PLD3: variants seen among roughly 807,000 people sequenced by gnomAD.
PLD3 encodes the protein phospholipase D family member 3, also known as 5'-3' exonuclease PLD3.
Under a neutral mutation model 58.4 loss-of-function variants are expected in PLD3, and 31 were observed. That is an observed-to-expected ratio of 0.53 (90% CI 0.40 to 0.72). The LOEUF (loss-of-function observed/expected upper bound fraction) is 0.72, where lower values mean the gene tolerates loss of function less well. PLD3 is among the 30% of genes least tolerant of loss of function. The pLI, the probability that PLD3 is intolerant of heterozygous loss-of-function variation, is 0.00. For missense variants in PLD3, 595 were observed against 659.8 expected (o/e 0.90, Z 1.08); for synonymous variants, 264 against 273.4 (o/e 0.97, Z 0.34).
Position 40,364,488 on chromosome 19 carries a change from T to TA in PLD3, c.-278-1217dup, listed in dbSNP as rs965965680. ...AAGCAAGACCCCGTCTATACAAAAT[T>TA]AAAAAAAAAAAAATTAGCTGCGGCT... On this transcript the variant is annotated intron_variant, in intron 1 of 12. Transcript: ENST00000409735. Among the ~76,000 whole-genome samples, 194 of 136,200 alleles carry TA rather than the reference T, an allele frequency of 1.4e-3. 1 individual carries two copies. The highest frequency in any genetic ancestry group is 3.5e-3 in the South Asian group (15 of 4,308). The allele number at this position is 136,200 out of a possible 152,430, so 89.4% of individuals were successfully genotyped here.
chr19:40,378,254 C>G lies in PLD3; in HGVS notation c.*81C>G, dbSNP rs781656714. On this transcript the variant is annotated 3_prime_UTR_variant, in exon 13 of 13. Transcript: ENST00000409735. ...CTGGGTCACGGTCCCTGTCCCCGCG[C>G]CCCCGCTTCTGTCTGCCCCATTGTG... 53 of 1,265,574 alleles carry G rather than the reference C, an allele frequency of 4.2e-5. No homozygotes were observed. Among genetic ancestry groups the G allele is most frequent in the Non-Finnish European group, 5.9e-5 (52 of 876,002 alleles). The allele number at this position is 1,265,574 out of a possible 1,614,324, so 78.4% of individuals were successfully genotyped here. A position where few individuals can be genotyped will look rare whatever the true frequency, so the allele number is the denominator to read the frequency against.
intron 1 of PLD3, chr19:40,357,047 A>G (rs2078672012): frequency 6.6e-6 from 1 of 152,198 alleles, no homozygotes; most frequent in Admixed American, 6.5e-5. Context: ...GAAATAAAAG[A>G]TCTAACTGCT....
chr19:40,353,069 G>A lies in PLD3; in HGVS notation c.-279+4301G>A, dbSNP rs561717433. ...CAAGCTGCAGGGTCCCTCGCCTGAT[G>A]TGATGAAGGGAGATTTTGCATTGTT... On this transcript the variant is annotated intron_variant, in intron 1 of 12. Transcript: ENST00000409735. Among the ~76,000 whole-genome samples the A allele has an allele frequency of 2.0e-5, 3 of 152,338 alleles. No individual in the cohort carries two copies. The South Asian group carries it at 6.2e-4, about 32-fold the overall frequency.
rs760486649 is a variant in PLD3, at chr19:40,366,704, C to G, written c.102+20C>G. The stretch of plus-strand genomic sequence containing the variant: ...GAAAAGGTAGGAGCCCTCCGCCACC[C>G]TCGCTCTGTCTCAGAGACAGGCTGG... On this transcript the variant is annotated intron_variant, in intron 4 of 12. Transcript: ENST00000409735. 1.2e-6 allele frequency: 2 copies of G among 1,613,742 alleles called. No homozygotes were observed. The highest frequency in any genetic ancestry group is 1.7e-5 in the Admixed American group (1 of 59,966).
chr19:40,375,575 G>A (rs538598876), intron 10 of PLD3, among the ~76,000 whole-genome samples: 38 of 150,476 alleles, frequency 2.5e-4, no homozygotes, highest in Middle Eastern at 7.0e-3. Context: ...GCTTGAACCC[G>A]GGAGTCGGAG....
At chr19:40,350,314 C>T (rs1051569040) in intron 1 of PLD3, among the ~76,000 whole-genome samples, 1 of 151,616 alleles carries the variant, frequency 6.6e-6, no homozygotes, top group African/African-American at 2.4e-5. Flanking sequence ...AACTTAACCT[C>T]CCAGCGCCTC....
intron 1 of PLD3, among the ~76,000 whole-genome samples, chr19:40,362,593 A>G (rs2078814567): frequency 6.6e-6 from 1 of 152,138 alleles, no homozygotes; most frequent in South Asian, 2.1e-4. Context: ...ACACCATCAT[A>G]CCAGGCTAAT....
rs868004647 is a variant in PLD3 at position 40,367,835 on chromosome 19, C to T, written c.385C>T (p.Leu129Phe). ...SLDIASFYWT[L>F]TNNDTHTQEP... ...GGACATCGCCTCCTTCTACTGGACC[C>T]TCACCAACAATGACACCCACACGCA... is the stretch of plus-strand genomic sequence containing the variant. Residue 129 changes from leucine (L) to phenylalanine (F), a missense_variant, in exon 6 of 13, where the codon CTC becomes TTC. Transcript: ENST00000409735. 3 of 1,585,424 alleles carry T rather than the reference C, an allele frequency of 1.9e-6. No homozygotes were observed. The highest frequency in any genetic ancestry group is 2.6e-6 in the Non-Finnish European group (3 of 1,167,266).
rs1179140849 is a variant in PLD3 at position 40,367,127 on chromosome 19, GAC to G, written c.245+216_245+217del. 2.5e-5 allele frequency: 14 copies of G among 564,562 alleles called. No homozygotes were observed. The Middle Eastern group carries it at 3.3e-3, about 132-fold the overall frequency. The allele number at this position is 564,562 out of a possible 1,614,324, so 35.0% of individuals were successfully genotyped here. ...TCATCTTCTGTCAGGCCTGTGAACAGACACAGCATCTTCCACCCACATCTGTG... is the reference window on the plus strand; with the variant it reads ...TCATCTTCTGTCAGGCCTGTGAACAGACAGCATCTTCCACCCACATCTGTG... On this transcript the variant is annotated intron_variant, in intron 5 of 12. Transcript: ENST00000409735.
intron 6 of PLD3, among the ~76,000 whole-genome samples, chr19:40,368,431 C>G (rs1171988390): frequency 2.0e-5 from 3 of 152,146 alleles, no homozygotes. Flanking sequence ...GGTCTGCAGA[C>G]AAACTTAAAG....
intron 5 of PLD3, chr19:40,367,243 T>G: frequency 3.3e-6 from 1 of 304,490 alleles, no homozygotes; most frequent in Non-Finnish European, 6.0e-6. Flanking sequence ...CGCATTCAAA[T>G]ACACACAGTT....
chr19:40,376,355 CA>C (rs759466553), intron 10 of PLD3: 1,218 of 313,486 alleles, frequency 3.9e-3, no homozygotes, highest in South Asian at 9.7e-3. Context: ...AATTCCACCT[CA>C]AAAAAAAAAA....
chr19:40,367,127 G>A (rs1453857754), intron 5 of PLD3: 3 of 564,444 alleles, frequency 5.3e-6, no homozygotes, highest in Non-Finnish European at 9.3e-6. Flanking sequence ...CCTGTGAACA[G>A]ACACAGCATC....
At chr19:40,370,336 C>A in intron 8 of PLD3, 99 bp downstream of exon 8, 1 of 1,344,740 alleles carries the variant, frequency 7.4e-7, no homozygotes, top group South Asian at 1.4e-5. Context: ...GAGTCCTCTC[C>A]ACCCATTCTC....
At chr19:40,363,413 G>T (rs951228294) in intron 1 of PLD3, among the ~76,000 whole-genome samples, 3 of 135,534 alleles carry the variant, frequency 2.2e-5, no homozygotes, top group Non-Finnish European at 3.2e-5. Context: ...TTTCTTGCTA[G>T]ATTTGTTTGT....
In PLD3 at chr19:40,366,921, TG is replaced by T. The variant is rs770026861; in HGVS notation, c.245+12del. The T allele has an allele frequency of 8.8e-6, 14 of 1,591,112 alleles. 1 individual carries two copies. The highest frequency in any genetic ancestry group is 7.9e-5 in the South Asian group (7 of 88,072). On this transcript the variant is annotated splice_region_variant and intron_variant, in intron 5 of 12. Transcript: ENST00000409735. ...CCCTGCTATGACCCTTGCGAGTAAG[TG>T]GGGGGTGCTGCAGTTGGTGGGGGAG...
intron 1 of PLD3, among the ~76,000 whole-genome samples, chr19:40,363,491 C>T (rs565440604): frequency 1.5e-4 from 23 of 152,280 alleles, no homozygotes; most frequent in Admixed American, 5.9e-4. Flanking sequence ...AGTGCAGTGG[C>T]GCAATCTCAG....
chr19:40,368,811 G>T (rs1411680224), intron 6 of PLD3, among the ~76,000 whole-genome samples: 2 of 152,070 alleles, frequency 1.3e-5, no homozygotes, highest in Non-Finnish European at 2.9e-5. Context: ...TGCAGTCTCA[G>T]ATACTCAGGA....
intron 9 of PLD3, 93 bp from the exon 10 acceptor site, chr19:40,374,388 A>G (rs2079140258): frequency 7.3e-7 from 1 of 1,363,740 alleles, no homozygotes; most frequent in East Asian, 2.3e-5. Context: ...TGAGATCCAC[A>G]GTACCTGGCT....
Sources: gnomAD v4.1 joint callset for allele counts (sites outside exome capture counted in the v4.1 genomes callset) on GRCh38, gnomAD v4.1.1 for gene constraint, MANE v1.5 for transcripts, NCBI Gene and HGNC (gene_info 2026-07-23, HGNC 2026-07-21) for gene names.